Variants in MGAT4B observed in about 807,000 individuals in gnomAD.
MGAT4B encodes N-acetylglucosaminyltransferase IVb.
In MGAT4B, 38 loss-of-function variants were observed where a neutral mutation model predicts 73.9. The ratio of observed to expected loss-of-function variants is 0.51; its 90% CI spans 0.40 to 0.67. The LOEUF is 0.67. Ranked by LOEUF, MGAT4B falls within the 30% of genes least tolerant of loss-of-function variation. MGAT4B has a pLI of 0.00. For synonymous variants in MGAT4B, 373 were observed against 313.5 expected, an observed-to-expected ratio of 1.19 and a Z score of -2.01; for missense variants, 686 against 735.2, an observed-to-expected ratio of 0.93 and a Z score of 0.77.
At chr5:179,798,109 C>G in intron 14 of MGAT4B, 41 bp from the exon 15 acceptor site, 1 of 1,602,818 alleles carries the variant, frequency 6.2e-7, no homozygotes. Context: ...CCTCTGAGCT[C>G]CGCCAGGGTC....
chr5:179,802,380 A>T, intron 1 of MGAT4B: 1 of 1,262,434 alleles, frequency 7.9e-7, no homozygotes, highest in South Asian at 2.3e-5. Flanking sequence ...GGGCTACCCA[A>T]GGTCCTGGTG....
Position 179,798,378 on chromosome 5 carries a change from G to A in MGAT4B, c.1479C>T (p.Tyr493=). 2 of 1,612,954 alleles carry A rather than the reference G, an allele frequency of 1.2e-6. No individual in the cohort carries two copies. The highest frequency in any genetic ancestry group is 1.7e-6 in the Non-Finnish European group (2 of 1,179,990). The stretch of plus-strand genomic sequence containing the variant: ...GGAGGTAGCCGTCGGGGCTCCGAGG[G>A]TACCGGAGGGTGGCGGTGCGGCCCT... The part of the protein sequence containing the change: ...LQEGRTATLR[Y]PRSPDGYLQI... The change falls in exon 13 of 15, where the codon TAC becomes TAT. Residue 493 remains tyrosine (Y), a synonymous_variant. Transcript: ENST00000292591.
chr5:179,799,904 C>T (rs762614302), intron 8 of MGAT4B, 50 bp downstream of exon 8: 9 of 1,513,126 alleles, frequency 5.9e-6, no homozygotes, highest in South Asian at 1.1e-5. Flanking sequence ...GAGAGGATGG[C>T]AGAGGCAGGT....
At position 179,797,680 on chromosome 5, in the gene MGAT4B, G is replaced by A. The variant is rs115693787; in HGVS notation, c.*365C>T. 1,871 of 210,420 alleles carry A rather than the reference G, an allele frequency of 8.9e-3. 31 individuals carry two copies. The highest frequency in any genetic ancestry group is 0.039 in the African/African-American group (1,673 of 42,820). The allele number at this position is 210,420 out of a possible 1,614,324, so 13.0% of individuals were successfully genotyped here. A position where few individuals can be genotyped will look rare whatever the true frequency, so the allele number is the denominator to read the frequency against. On this transcript the variant is annotated 3_prime_UTR_variant, in exon 15 of 15. Transcript: ENST00000292591. Reference sequence around the variant, plus strand: ...GTGGACTTACGTGAAAAAATCAAATGTATCCAAGAATAAAAAACACAGCAC... The same window carrying A: ...GTGGACTTACGTGAAAAAATCAAATATATCCAAGAATAAAAAACACAGCAC...
At position 179,802,364 on chromosome 5, in the gene MGAT4B, G is replaced by C. The variant is rs74934973; in HGVS notation, c.98-395C>G. The C allele has an allele frequency of 2.0e-4, 257 of 1,287,952 alleles. No individual in the cohort carries two copies. The African/African-American group carries it at 3.5e-3, about 17-fold the overall frequency. 79.8% of individuals were successfully genotyped at this position (1,287,952 alleles called of 1,614,324 possible). A position where few individuals can be genotyped will look rare whatever the true frequency, so the allele number is the denominator to read the frequency against. On this transcript the variant is annotated intron_variant, in intron 1 of 14. Transcript: ENST00000292591. ...CTTTTTGCAGCACACGCTCCCTCCA[G>C]CGGGTGGGCTACCCAAGGTCCTGGT...
intron 1 of MGAT4B, among the ~76,000 whole-genome samples, chr5:179,804,099 C>T (rs1232056371): frequency 6.6e-6 from 1 of 152,252 alleles, no homozygotes; most frequent in East Asian, 1.9e-4. Flanking sequence ...GTGTCACCCT[C>T]CCCTGGAGGC....
At chr5:179,800,109 A>C (rs1349040377) in intron 7 of MGAT4B, 41 bp from the exon 8 acceptor site, 1 of 1,610,220 alleles carries the variant, frequency 6.2e-7, no homozygotes, top group South Asian at 1.1e-5. Context: ...GAGGAAGGGC[A>C]CCCAGATGGA....
intron 1 of MGAT4B, chr5:179,803,030 C>T (rs565318983): frequency 3.4e-4 from 331 of 985,330 alleles, no homozygotes; most frequent in Non-Finnish European, 3.9e-4. Flanking sequence ...CACCAGCAGC[C>T]CTGTGCATGA....
rs145401676 is a variant in MGAT4B at position 179,798,499 on chromosome 5, C to A, written c.1422+14G>T. The A allele has an allele frequency of 2.8e-3, 4,468 of 1,613,478 alleles. 77 individuals carry two copies. In the African/African-American group the frequency reaches 0.044, roughly 16 times the overall value. On this transcript the variant is annotated intron_variant, in intron 12 of 14. Coordinates refer to ENST00000292591, the MANE Select transcript of MGAT4B (RefSeq NM_014275.5). ...AGGCCCGGCTTCAGTGCACACCACA[C>A]CCACCGAACTTACGTCGAAGGGCAG...
rs769678169 is a variant in MGAT4B, at chr5:179,799,998, G to A, written c.866C>T (p.Ser289Leu). The change falls in exon 8 of 15, where the codon TCA becomes TTA. Residue 289 changes from serine to leucine, a missense_variant. By Grantham distance (145) the Ser-to-Leu change is moderately radical. Coordinates refer to ENST00000292591, the MANE Select transcript of MGAT4B (RefSeq NM_014275.5). ...TMKNFALQQP[S>L]EDWMILEFSQ... ...GAACTCCAGGATCATCCAGTCCTCT[G>A]AAGGCTGCTGCAGTGCAAAGTTCTT... The A allele has an allele frequency of 5.0e-6, 8 of 1,614,038 alleles. No homozygotes were observed. Among genetic ancestry groups the A allele is most frequent in the Middle Eastern group, 3.3e-4 (2 of 6,062 alleles).
rs201643996 is a variant in MGAT4B at position 179,801,717 on chromosome 5, G to A, written c.284-23C>T. On this transcript the variant is annotated intron_variant, in intron 2 of 14. Coordinates refer to ENST00000292591, the MANE Select transcript of MGAT4B (RefSeq NM_014275.5). This position sits in a 1 kb window ranked among gnomAD's most constrained non-coding sequence, Gnocchi z 4.8. ...CCTCTGGGTGGGTCGGGAAGGATCG[G>A]GACTGAGACCAGGGAACCTACAACC... The A allele has an allele frequency of 5.6e-6, 9 of 1,601,432 alleles. No homozygotes were observed. The East Asian group carries it at 1.8e-4, about 32-fold the overall frequency.
rs765316503 is a variant in MGAT4B, at chr5:179,798,173, G to C, written c.1615C>G (p.Leu539Val). ...GCCCTGCCCAGCCTCACCTCGCTCA[G>C]AATCACCCACACAGGGGAGTCCGTC... ...IQTDSPVWVI[L>V]SEIFLKKAD Residue 539 changes from leucine to valine, a missense_variant, in exon 14 of 15, where the codon CTG (leucine) becomes GTG (valine). By Grantham distance (32) the Leu-to-Val change is conservative. Coordinates refer to ENST00000292591, the MANE Select transcript of MGAT4B (RefSeq NM_014275.5). 1.3e-6 allele frequency: 2 copies of C among 1,595,096 alleles called. No individual in the cohort carries two copies. Among genetic ancestry groups the C allele is most frequent in the Middle Eastern group, 1.7e-4 (1 of 6,034 alleles).
Position 179,797,918 on chromosome 5 carries a change from C to A in MGAT4B, c.*127G>T. 7.2e-7 allele frequency: 1 copy of A among 1,382,110 alleles called. No homozygotes were observed. The highest frequency in any genetic ancestry group is 2.1e-5 in the Admixed American group (1 of 47,712). 85.6% of individuals were successfully genotyped at this position (1,382,110 alleles called of 1,614,324 possible). On this transcript the variant is annotated 3_prime_UTR_variant, in exon 15 of 15. Transcript: ENST00000292591. ...GGCCAGCGGCGGACCCCAGGCCGGCCCAAGCCCGACGCCAGGCAGAACCCT... is the reference window on the plus strand; with the variant it reads ...GGCCAGCGGCGGACCCCAGGCCGGCACAAGCCCGACGCCAGGCAGAACCCT...
rs746546897 is a variant in MGAT4B, at chr5:179,800,468, G to A, written c.719+16C>T. ...AGGCAGGCGGGTTGCTGAGGGTATG[G>A]GGGAGTAACTAGTACCTGACTCTCT... On this transcript the variant is annotated intron_variant, in intron 6 of 14. Coordinates refer to ENST00000292591, the MANE Select transcript of MGAT4B (RefSeq NM_014275.5). The A allele has an allele frequency of 9.6e-6, 15 of 1,556,350 alleles. No individual in the cohort carries two copies. The highest frequency in any genetic ancestry group is 1.7e-4 in the Middle Eastern group (1 of 5,950).
At position 179,800,077 on chromosome 5, in the gene MGAT4B, T is replaced by G; in HGVS notation, c.796-9A>C. 6.2e-7 allele frequency: 1 copy of G among 1,613,246 alleles called. No homozygotes were observed. The highest frequency in any genetic ancestry group is 8.5e-7 in the Non-Finnish European group (1 of 1,179,418). ...ACGATGTCATCCTCCAGCTGCGAGG[T>G]GAGCAGAGAGGGGCTGGGGCTGAGG... is the stretch of plus-strand genomic sequence containing the variant. On this transcript the variant is annotated splice_polypyrimidine_tract_variant and intron_variant, in intron 7 of 14. Coordinates refer to ENST00000292591, the MANE Select transcript of MGAT4B (RefSeq NM_014275.5).
intron 14 of MGAT4B, 30 bp downstream of exon 14, chr5:179,798,135 C>A: frequency 1.9e-6 from 3 of 1,591,192 alleles, no homozygotes; most frequent in East Asian, 2.3e-5. Flanking sequence ...GGCTGCTCCC[C>A]GTGCCTGGCC....
rs1281191196 is a variant in MGAT4B at position 179,806,611 on chromosome 5, G to A, written c.-28C>T. Reference sequence around the variant, plus strand: ...CCTCGGGTGCGCGGCGGGCGCCCGCGGGGCCGAGGCTGCATGGCCCGGGGG... The same window carrying A: ...CCTCGGGTGCGCGGCGGGCGCCCGCAGGGCCGAGGCTGCATGGCCCGGGGG... On this transcript the variant is annotated 5_prime_UTR_variant, in exon 1 of 15. Coordinates refer to ENST00000292591, the MANE Select transcript of MGAT4B (RefSeq NM_014275.5). This position sits in a 1 kb window ranked among gnomAD's most constrained non-coding sequence, Gnocchi z 4.6. 3 of 1,203,398 alleles carry A rather than the reference G, an allele frequency of 2.5e-6. No individual in the cohort carries two copies. Among genetic ancestry groups the A allele is most frequent in the African/African-American group, 3.2e-5 (2 of 61,692 alleles). 74.5% of individuals were successfully genotyped at this position (1,203,398 alleles called of 1,614,324 possible). A position where few individuals can be genotyped will look rare whatever the true frequency, so the allele number is the denominator to read the frequency against.
chr5:179,801,885 G>C lies in MGAT4B; in HGVS notation c.182C>G (p.Ser61Cys). ...GTCCAGCACCAGGTTGAGCTCCTTG[G>C]AGCGCTTGAGGCTCTCCTGCTCAGC... ...HAAEQESLKR[S>C]KELNLVLDEI... is the part of the protein sequence containing the mutation. The change falls in exon 2 of 15, where the codon TCC becomes TGC. Residue 61 changes from serine (S) to cysteine (C), a missense_variant. By Grantham distance (112) the Ser-to-Cys change is moderately radical. Around this residue, in one of 2 missense-constraint regions of MGAT4B, gnomAD observed 237 missense variants for 198.5 expected, o/e 1.19. Transcript: ENST00000292591. This position sits in a 1 kb window ranked among gnomAD's most constrained non-coding sequence, Gnocchi z 4.8. 1 of 1,612,992 alleles carries C rather than the reference G, an allele frequency of 6.2e-7. No individual in the cohort carries two copies. Among genetic ancestry groups the C allele is most frequent in the Middle Eastern group, 1.6e-4 (1 of 6,062 alleles).
rs778521452 is a variant in MGAT4B at position 179,798,388 on chromosome 5, G to T, written c.1469C>A (p.Thr490Asn). 1.2e-6 allele frequency: 2 copies of T among 1,612,896 alleles called. No individual in the cohort carries two copies. Among genetic ancestry groups the T allele is most frequent in the Non-Finnish European group, 1.7e-6 (2 of 1,179,974 alleles). Residue 490 changes from threonine to asparagine, a missense_variant, in exon 13 of 15, where the codon ACC becomes AAC. Physicochemically the swap from Thr to Asn is moderately conservative, Grantham distance 65. Transcript: ENST00000292591. The stretch of plus-strand genomic sequence containing the variant: ...GTCGGGGCTCCGAGGGTACCGGAGG[G>T]TGGCGGTGCGGCCCTCCTGCAGGGC... ...KEALQEGRTA[T>N]LRYPRSPDGY... is the part of the protein sequence containing the mutation.
Sources: gnomAD v4.1 joint callset for allele counts (sites outside exome capture counted in the v4.1 genomes callset) on GRCh38, gnomAD v4.1.1 for gene constraint, gnomAD v4.1.1 regional missense constraint, Gnocchi (gnomAD v3.1) non-coding constraint, MANE v1.5 for transcripts, NCBI Gene and HGNC (gene_info 2026-07-23, HGNC 2026-07-21) for gene names.